MICAL2: variants seen among roughly 807,000 people sequenced by gnomAD.
MICAL2 encodes microtubule associated monooxygenase, calponin and LIM domain containing 2.
A neutral mutation model predicts 127.3 loss-of-function variants in MICAL2; 77 were observed. The ratio of observed to expected loss-of-function variants is 0.60; its 90% confidence interval spans 0.50 to 0.73. MICAL2 has a LOEUF of 0.73. Ranked by LOEUF, MICAL2 falls within the 30% of genes least tolerant of loss-of-function variation. The pLI is 0.00. For missense variants in MICAL2, 1,351 were observed against 1,434.4 expected, an observed-to-expected ratio of 0.94 and a Z score of 0.94; for synonymous variants, 570 against 551.1, an observed-to-expected ratio of 1.03 and a Z score of -0.48.
intron 9 of MICAL2, among the ~76,000 whole-genome samples, chr11:12,220,861 CA>C (rs1856739632): frequency 6.6e-6 from 1 of 152,250 alleles, no homozygotes; most frequent in South Asian, 2.1e-4. Context: ...CTATGGGCCC[CA>C]AAGTCTCCTT....
At chr11:12,356,141 A>T (rs965981946) in intron 34 of MICAL2, among the ~76,000 whole-genome samples, 5 of 152,128 alleles carry the variant, frequency 3.3e-5, no homozygotes, top group African/African-American at 9.7e-5. Context: ...GATTCTTTTT[A>T]AAAAAATTCT....
chr11:12,135,106 G>A (rs1302619308), intron 1 of MICAL2, among the ~76,000 whole-genome samples: 1 of 152,182 alleles, frequency 6.6e-6, no homozygotes, highest in African/African-American at 2.4e-5. Flanking sequence ...CCACTGCTAA[G>A]GAGAAAAGAT....
At chr11:12,215,969 C>T (rs1211406878) in intron 7 of MICAL2, among the ~76,000 whole-genome samples, 1 of 152,222 alleles carries the variant, frequency 6.6e-6, no homozygotes, top group African/African-American at 2.4e-5. Flanking sequence ...TACTGGCCCA[C>T]AACCCCTACA....
rs1860351897 is a variant in MICAL2 at position 12,244,021 on chromosome 11, ATCCTCCATC to A, written c.2700_2708del (p.Pro902_Ser904del). On this transcript the variant is annotated inframe_deletion, in exon 21 of 28. Coordinates refer to ENST00000683283, the MANE Select transcript of MICAL2 (RefSeq NM_001282663.2). ...CTCTCTAAAGGCCTGTCTCATACTC[ATCCTCCATC>A]TCCTCCCTCTCGCCTTCCGTCTCCT... is the stretch of plus-strand genomic sequence containing the variant. 1 of 1,613,566 alleles carries A rather than the reference ATCCTCCATC, an allele frequency of 6.2e-7. No individual in the cohort carries two copies. The highest frequency in any genetic ancestry group is 8.5e-7 in the Non-Finnish European group (1 of 1,179,716).
At chr11:12,120,350 T>C (rs7932265) in intron 1 of MICAL2, among the ~76,000 whole-genome samples, 29,240 of 151,998 alleles carry the variant, frequency 0.19, 3,686 homozygotes, top group African/African-American at 0.35. Context: ...GAGGAGGGAA[T>C]CCTGAGAGAT....
intron 32 of MICAL2, among the ~76,000 whole-genome samples, chr11:12,343,406 T>TAAAAAAAAAAAA (rs57546290): frequency 9.1e-6 from 1 of 110,092 alleles, no homozygotes; most frequent in Non-Finnish European, 1.9e-5. Context: ...TTCATCTCAT[T>TAAAAAAAAAAAA]AAAAAAAAAA....
At chr11:12,226,946 C>T in intron 14 of MICAL2, 79 bp from the exon 15 acceptor site, 1 of 1,161,868 alleles carries the variant, frequency 8.6e-7, no homozygotes, top group Admixed American at 1.7e-5. Flanking sequence ...AGCCACCACA[C>T]CCAGCCAACA....
chr11:12,205,398 G>A (rs1464155634), intron 4 of MICAL2, among the ~76,000 whole-genome samples: 1 of 152,194 alleles, frequency 6.6e-6, no homozygotes, highest in Non-Finnish European at 1.5e-5. Flanking sequence ...CCTGCAGGAT[G>A]TAAAACCCAC....
intron 2 of MICAL2, among the ~76,000 whole-genome samples, chr11:12,143,247 T>A (rs934899860): frequency 6.6e-6 from 1 of 152,078 alleles, no homozygotes; most frequent in African/African-American, 2.4e-5. Context: ...AGGGCCTGAT[T>A]TGGTGTTTAG....
In MICAL2 at chr11:12,224,707, G is replaced by C. The variant is rs1353658619; in HGVS notation, c.1575G>C (p.Trp525Cys). Residue 525 changes from tryptophan (W) to cysteine (C), a missense_variant, in exon 13 of 28, where the codon TGG becomes TGC. Around this residue, in one of 2 missense-constraint regions of MICAL2, gnomAD observed 599 missense variants for 714.9 expected, o/e 0.84. Coordinates refer to ENST00000683283, the MANE Select transcript of MICAL2 (RefSeq NM_001282663.2). ...SDIRPSKLLT[W>C]CQQQTEGYQH... is the part of the protein sequence containing the mutation. ...TCCGGCCCAGCAAGCTCCTGACCTG[G>C]TGCCAGCAGCAGACAGAGGGCTACC... 5 of 1,614,046 alleles carry C rather than the reference G, an allele frequency of 3.1e-6. No homozygotes were observed.
intron 29 of MICAL2, among the ~76,000 whole-genome samples, chr11:12,305,263 C>T (rs938369896): frequency 2.0e-5 from 3 of 152,076 alleles, no homozygotes; most frequent in African/African-American, 7.2e-5. Context: ...TACATGGTGG[C>T]GGGCAAGAGA....
At chr11:12,332,801 A>G (rs1418664815) in intron 32 of MICAL2, among the ~76,000 whole-genome samples, 1 of 152,208 alleles carries the variant, frequency 6.6e-6, no homozygotes, top group Non-Finnish European at 1.5e-5. Context: ...GTAGTTGTGC[A>G]GTAGTCACAC....
intron 2 of MICAL2, among the ~76,000 whole-genome samples, chr11:12,146,028 C>T (rs1852863733): frequency 6.6e-6 from 1 of 152,150 alleles, no homozygotes; most frequent in South Asian, 2.1e-4. Context: ...AAAGCTGAAA[C>T]TGGATCCCTT....
At chr11:12,161,331 C>T (rs992314806) in intron 2 of MICAL2, 6 of 152,182 alleles carry the variant, frequency 3.9e-5, no homozygotes, top group African/African-American at 9.7e-5. Context: ...TTCCATGAGC[C>T]GGAGCACTTG....
rs973397824 is a variant in MICAL2 at position 12,242,668 on chromosome 11, C to T, written c.2557-3C>T. ...TCTTTCTCCTTTCTCACCTTCACTGCAGAAGAGGGCTCAGAACTTGGCCAA... is the reference window on the plus strand; with the variant it reads ...TCTTTCTCCTTTCTCACCTTCACTGTAGAAGAGGGCTCAGAACTTGGCCAA... On this transcript the variant is annotated splice_polypyrimidine_tract_variant and splice_region_variant and intron_variant, in intron 19 of 27. Coordinates refer to ENST00000683283, the MANE Select transcript of MICAL2 (RefSeq NM_001282663.2). The T allele has an allele frequency of 6.2e-7, 1 of 1,610,778 alleles. No homozygotes were observed. The highest frequency in any genetic ancestry group is 1.3e-5 in the African/African-American group (1 of 74,850).
chr11:12,255,308 AGTT>A (rs1862178569), intron 22 of MICAL2: 1 of 291,356 alleles, frequency 3.4e-6, no homozygotes, highest in Non-Finnish European at 6.7e-6. Flanking sequence ...CAGAACTCTT[AGTT>A]GTTGTAAAAC....
chr11:12,349,790 G>C, intron 32 of MICAL2: 1 of 1,577,010 alleles, frequency 6.3e-7, no homozygotes, highest in African/African-American at 1.3e-5. Context: ...TTTGATCATG[G>C]GGAGAGAAAT....
At chr11:12,217,050 C>T (rs138900671) in intron 8 of MICAL2, among the ~76,000 whole-genome samples, 6 of 152,268 alleles carry the variant, frequency 3.9e-5, no homozygotes, top group Admixed American at 3.3e-4. Flanking sequence ...TGCTTAAGCA[C>T]GGAGCAGGGT....
chr11:12,155,877 G>A (rs969097615), intron 2 of MICAL2, among the ~76,000 whole-genome samples: 10 of 152,184 alleles, frequency 6.6e-5, no homozygotes, highest in Non-Finnish European at 5.9e-5. Flanking sequence ...ATGCCAGGAC[G>A]GGAGGCCTGG....
Sources: allele counts gnomAD v4.1 joint callset (sites outside exome capture counted in the v4.1 genomes callset), GRCh38; gene constraint gnomAD v4.1.1; regional missense constraint gnomAD v4.1.1; transcripts MANE v1.5; gene names NCBI Gene and HGNC (gene_info 2026-07-23, HGNC 2026-07-21).